TYR: variants seen among roughly 807,000 people sequenced by gnomAD.
The protein encoded by TYR is LB24-AB.
TYR carries 58 observed loss-of-function variants against 51.5 expected under a neutral mutation model. The ratio of observed to expected loss-of-function variants is 1.13; its 90% CI spans 0.91 to 1.40. TYR has a LOEUF of 1.40. Ranked by LOEUF, TYR falls within the 40% of genes most tolerant of loss-of-function variation. The probability of loss-of-function intolerance (pLI) is 0.00; values close to 1 mark genes in which losing one functional copy is unlikely to be tolerated. For missense variants in TYR, 732 were observed against 647.4 expected, an observed-to-expected ratio of 1.13 and a Z score of -1.42; for synonymous variants, 263 against 235.2, an observed-to-expected ratio of 1.12 and a Z score of -1.08.
intron 3 of TYR, among the ~76,000 whole-genome samples, chr11:89,248,639 A>G (rs1042881043): frequency 6.6e-6 from 1 of 152,238 alleles, no homozygotes; most frequent in African/African-American, 2.4e-5. Context: ...AGCCCTAAGT[A>G]CAGTATAGAG....
intron 2 of TYR, 41 bp downstream of exon 2, chr11:89,191,459 C>A (rs1037625432): frequency 6.3e-7 from 1 of 1,578,966 alleles, no homozygotes; most frequent in African/African-American, 1.4e-5. Flanking sequence ...TTTCTGAATT[C>A]ATATTTACAG....
chr11:89,178,829 T>C, intron 1 of TYR, 57 bp downstream of exon 1: 1 of 1,575,788 alleles, frequency 6.3e-7, no homozygotes. Context: ...CAATCACTTC[T>C]TCAGGCAGGG....
At chr11:89,289,776 T>C (rs984488622) in intron 4 of TYR, among the ~76,000 whole-genome samples, 2 of 151,978 alleles carry the variant, frequency 1.3e-5, no homozygotes, top group Admixed American at 1.3e-4. Context: ...TTGTGCCAAA[T>C]GTCACAAGGC....
intron 3 of TYR, among the ~76,000 whole-genome samples, chr11:89,252,598 A>C (rs1217767807): frequency 6.6e-6 from 1 of 151,852 alleles, no homozygotes; most frequent in Non-Finnish European, 1.5e-5. Context: ...AAAATTAGAA[A>C]CCTGGTGCTT....
intron 3 of TYR, among the ~76,000 whole-genome samples, chr11:89,260,721 T>C (rs1014487353): frequency 6.6e-6 from 1 of 152,126 alleles, no homozygotes; most frequent in Non-Finnish European, 1.5e-5. Context: ...AGAAAATATA[T>C]AAGGCTATAA....
chr11:89,191,148 C>G (rs1943437723), intron 1 of TYR, 54 bp from the exon 2 acceptor site: 1 of 1,533,302 alleles, frequency 6.5e-7, no homozygotes, highest in East Asian at 2.2e-5. Flanking sequence ...TCTGCCTTCT[C>G]CTACTGACTC....
At chr11:89,220,796 A>G (rs1943901120) in intron 2 of TYR, among the ~76,000 whole-genome samples, 1 of 152,036 alleles carries the variant, frequency 6.6e-6, no homozygotes, top group South Asian at 2.1e-4. Flanking sequence ...CAAAACAAAA[A>G]CAGAGTTGCT....
intron 2 of TYR, among the ~76,000 whole-genome samples, chr11:89,224,723 C>T (rs1411034345): frequency 6.6e-6 from 1 of 152,118 alleles, no homozygotes; most frequent in African/African-American, 2.4e-5. Flanking sequence ...AGTCTGCTCC[C>T]AGAATGGGAA....
At chr11:89,244,957 A>C (rs760833539) in intron 3 of TYR, among the ~76,000 whole-genome samples, 21 of 152,216 alleles carry the variant, frequency 1.4e-4, no homozygotes, top group Non-Finnish European at 2.8e-4. Context: ...GGATATTTGG[A>C]AGTGAGAAAA....
At chr11:89,211,177 A>ACAAACT (rs1243073113) in intron 2 of TYR, among the ~76,000 whole-genome samples, 1 of 152,184 alleles carries the variant, frequency 6.6e-6, no homozygotes, top group African/African-American at 2.4e-5. Context: ...CAAATTGGAT[A>ACAAACT]GTCAAGACCC....
chr11:89,288,413 C>T lies in TYR; in HGVS notation c.1366+3459C>T, dbSNP rs1406897023. 7.9e-5 allele frequency among the ~76,000 whole-genome samples: 12 copies of T among 152,102 alleles called. No individual in the cohort carries two copies. The East Asian group carries it at 1.9e-3, about 25-fold the overall frequency. On this transcript the variant is annotated intron_variant, in intron 4 of 4. Coordinates refer to ENST00000263321, the MANE Select transcript of TYR (RefSeq NM_000372.5). ...CCCTACATTGTCTTCTACGCATATG[C>T]TCCACCTCTTTGTTCCTTCCCTAGT...
chr11:89,191,426 C>G lies in TYR; in HGVS notation c.1036+8C>G. 1 of 1,611,044 alleles carries G rather than the reference C, an allele frequency of 6.2e-7. No individual in the cohort carries two copies. The highest frequency in any genetic ancestry group is 1.1e-5 in the South Asian group (1 of 91,014). On this transcript the variant is annotated splice_region_variant and intron_variant, in intron 2 of 4. Coordinates refer to ENST00000263321, the MANE Select transcript of TYR (RefSeq NM_000372.5). ...TTAGAAATACACTGGAAGGTAATCT[C>G]TTTCTTTTCACTTTTAATTTTTTTT...
intron 3 of TYR, among the ~76,000 whole-genome samples, chr11:89,257,349 A>AT (rs372096202): frequency 1.3e-3 from 192 of 152,088 alleles, no homozygotes; most frequent in African/African-American, 4.3e-3. Context: ...AACTTAAGGT[A>AT]TTTTTTTCAA....
intron 2 of TYR, among the ~76,000 whole-genome samples, chr11:89,212,363 T>A (rs1591158317): frequency 1.3e-5 from 2 of 152,018 alleles, no homozygotes. Flanking sequence ...CCTCAACACA[T>A]ACACCCTCCC....
intron 3 of TYR, among the ~76,000 whole-genome samples, chr11:89,284,256 A>G (rs1944754150): frequency 6.6e-6 from 1 of 151,816 alleles, no homozygotes; most frequent in African/African-American, 2.4e-5. Flanking sequence ...TATCTAAACC[A>G]TTGTCATTGG....
chr11:89,290,712 A>G (rs1565425709), intron 4 of TYR, among the ~76,000 whole-genome samples: 3 of 152,024 alleles, frequency 2.0e-5, no homozygotes, highest in African/African-American at 7.2e-5. Context: ...TTTCTTTTTA[A>G]GGGAACTTCC....
intron 2 of TYR, among the ~76,000 whole-genome samples, chr11:89,221,460 A>T (rs74701978): frequency 0.02 from 3,090 of 152,320 alleles, 100 homozygotes; most frequent in African/African-American, 0.069. Context: ...GCAAACTGGA[A>T]GTTGGTTGAA....
At chr11:89,188,488 G>T (rs1323123079) in intron 1 of TYR, among the ~76,000 whole-genome samples, 5 of 152,026 alleles carry the variant, frequency 3.3e-5, no homozygotes, top group African/African-American at 9.7e-5. Context: ...TTAATAACTT[G>T]TTCTCAATGG....
intron 3 of TYR, among the ~76,000 whole-genome samples, chr11:89,250,683 CCTGTCTGTGTGT>C (rs1565412897): frequency 6.6e-6 from 1 of 151,756 alleles, no homozygotes; most frequent in Non-Finnish European, 1.5e-5. Flanking sequence ...TAGGGTCTTC[CCTGTCTGTGTGT>C]CTGTGTCCTA....
Sources: allele counts gnomAD v4.1 joint callset (sites outside exome capture counted in the v4.1 genomes callset), GRCh38; gene constraint gnomAD v4.1.1; transcripts MANE v1.5; gene names NCBI Gene and HGNC (gene_info 2026-07-23, HGNC 2026-07-21).